The following SAXO2 variants were observed in gnomAD, a reference collection of about 807,000 sequenced individuals.
SAXO2 encodes the protein family with sequence similarity 154, member B.
Under a neutral mutation model 18.7 loss-of-function variants are expected in SAXO2, and 17 were observed. The observed-to-expected ratio is 0.91, with a 90% CI of 0.62 to 1.36. The LOEUF (loss-of-function observed/expected upper bound fraction) is 1.36. Ranked by LOEUF, SAXO2 falls within the 40% of genes most tolerant of loss-of-function variation. The pLI is 0.00. For synonymous variants in SAXO2, 163 were observed against 181.2 expected (o/e 0.90, Z 0.81); for missense variants, 486 against 562.6 (o/e 0.86, Z 1.38).
Position 82,282,959 on chromosome 15 carries a change from G to T in SAXO2, c.1274G>T (p.Cys425Phe), listed in dbSNP as rs751263030. ...TACACACCGAAAAGACAGGAAATTTGCCCAGCCAGCTATCCCTCTCCTCCA... is the reference window on the plus strand; with the variant it reads ...TACACACCGAAAAGACAGGAAATTTTCCCAGCCAGCTATCCCTCTCCTCCA... ...VEYTPKRQEI[C>F]PASYPSPPGY... is the part of the protein sequence containing the mutation. Residue 425 changes from cysteine to phenylalanine, a missense_variant, in exon 4 of 4, where the codon TGC (cysteine) becomes TTC (phenylalanine). Coordinates refer to ENST00000682753, the MANE Select transcript of SAXO2 (RefSeq NM_001348699.2). The T allele has an allele frequency of 6.2e-6, 10 of 1,614,010 alleles. No homozygotes were observed. The South Asian group carries it at 1.1e-4, about 18-fold the overall frequency.
chr15:82,271,871 T>C (rs2141368876), intron 3 of SAXO2, 69 bp downstream of exon 3: 1 of 1,340,530 alleles, frequency 7.5e-7, no homozygotes, highest in Non-Finnish European at 1.0e-6. Context: ...ACATCTAATA[T>C]CAAATTATAA....
intron 3 of SAXO2, among the ~76,000 whole-genome samples, chr15:82,279,360 G>A (rs1202579552): frequency 2.0e-5 from 3 of 152,142 alleles, no homozygotes; most frequent in Non-Finnish European, 4.4e-5. Flanking sequence ...GAAAAGGAGA[G>A]AAGGAAATGA....
At chr15:82,270,291 T>G (rs1308228325) in intron 2 of SAXO2, among the ~76,000 whole-genome samples, 1 of 152,136 alleles carries the variant, frequency 6.6e-6, no homozygotes. Context: ...TGAAGCTACA[T>G]AGGAAACTGG....
Position 82,265,612 on chromosome 15 carries a change from T to C in SAXO2, c.97T>C (p.Ser33Pro). 7.0e-7 allele frequency: 1 copy of C among 1,436,848 alleles called. No individual in the cohort carries two copies. Among genetic ancestry groups the C allele is most frequent in the Non-Finnish European group, 9.1e-7 (1 of 1,097,844 alleles). The allele number at this position is 1,436,848 out of a possible 1,614,324, so 89.0% of individuals were successfully genotyped here. A position where few individuals can be genotyped will look rare whatever the true frequency, so the allele number is the denominator to read the frequency against. The change falls in exon 2 of 4, where the codon TCT becomes CCT. Residue 33 changes from serine to proline, a missense_variant. Physicochemically the swap from Ser to Pro is moderately conservative, Grantham distance 74 (BLOSUM62 -1). Transcript: ENST00000682753. The part of the protein sequence containing the change: ...PRGTTRIYEN[S>P]GVFCPTTEYL... ...TGGAACCACAAGGATTTATGAAAAT[T>C]CTGGGGTGTTTTGCCCTACAACTGA...
At chr15:82,263,226 C>T in intron 1 of SAXO2, 4 of 1,465,680 alleles carry the variant, frequency 2.7e-6, no homozygotes, top group Non-Finnish European at 3.6e-6. Flanking sequence ...GGATATAACG[C>T]TGGTGAGTAG....
intron 1 of SAXO2, 39 bp from the exon 2 acceptor site, chr15:82,265,530 T>G: frequency 7.8e-7 from 1 of 1,288,504 alleles, no homozygotes; most frequent in South Asian, 2.4e-5. Context: ...TAACACAAAA[T>G]TTTTTTAAGG....
intron 2 of SAXO2, 139 bp from the exon 3 acceptor site, chr15:82,271,464 A>T (rs1277608215): frequency 2.9e-6 from 2 of 695,428 alleles, no homozygotes; most frequent in Non-Finnish European, 4.7e-6. Flanking sequence ...CAAGTAGTTT[A>T]TCAACTATTA....
chr15:82,271,219 A>C (rs965484770), intron 2 of SAXO2, among the ~76,000 whole-genome samples: 7 of 152,226 alleles, frequency 4.6e-5, no homozygotes, highest in African/African-American at 1.4e-4. Context: ...GACTTTGACA[A>C]AGTGGACTCA....
intron 3 of SAXO2, chr15:82,272,055 T>C: frequency 2.5e-6 from 1 of 406,290 alleles, no homozygotes. Context: ...TCTCAAAACA[T>C]GAAAAACAAA....
intron 3 of SAXO2, among the ~76,000 whole-genome samples, chr15:82,277,939 G>A (rs1161189070): frequency 6.6e-6 from 1 of 152,118 alleles, no homozygotes; most frequent in Non-Finnish European, 1.5e-5. Context: ...TCATGAGAAA[G>A]ATTGGGAGAA....
rs759947594 is a variant in SAXO2, at chr15:82,282,223, G to A, written c.538G>A (p.Asp180Asn). The A allele has an allele frequency of 1.2e-6, 2 of 1,614,138 alleles. No individual in the cohort carries two copies. Among genetic ancestry groups the A allele is most frequent in the South Asian group, 1.1e-5 (1 of 91,070 alleles). Residue 180 changes from aspartate (D) to asparagine (N), a missense_variant, in exon 4 of 4, where the codon GAT (aspartate) becomes AAT (asparagine). By Grantham distance (23) the Asp-to-Asn change is conservative (BLOSUM62 1). Coordinates refer to ENST00000682753, the MANE Select transcript of SAXO2 (RefSeq NM_001348699.2). ...TGGAAATTCAACTACATTTCAGGAT[G>A]ATTTTGTTCCTCAGGAGATAAAGCC... ...KFGNSTTFQD[D>N]FVPQEIKPRQ...
intron 1 of SAXO2, 23 bp downstream of exon 1, chr15:82,262,955 G>C: frequency 6.3e-7 from 1 of 1,587,984 alleles, no homozygotes; most frequent in Non-Finnish European, 8.6e-7. Context: ...TGGTGTAGCG[G>C]CGGGCCCGGG....
chr15:82,263,858 G>A (rs1158701651), intron 1 of SAXO2, among the ~76,000 whole-genome samples: 2 of 152,046 alleles, frequency 1.3e-5, no homozygotes, highest in Non-Finnish European at 2.9e-5. Context: ...TTGGAATGGC[G>A]TGATTTTACT....
At chr15:82,277,371 T>TA (rs1325847518) in intron 3 of SAXO2, among the ~76,000 whole-genome samples, 1 of 152,134 alleles carries the variant, frequency 6.6e-6, no homozygotes, top group Non-Finnish European at 1.5e-5. Context: ...TTTTAAAAAA[T>TA]ATGCCAATAA....
At chr15:82,277,723 G>C (rs1246859307) in intron 3 of SAXO2, among the ~76,000 whole-genome samples, 1 of 152,204 alleles carries the variant, frequency 6.6e-6, no homozygotes. Context: ...AGTTGAGACA[G>C]GAGGCAAGCA....
intron 2 of SAXO2, among the ~76,000 whole-genome samples, chr15:82,269,675 A>G (rs1472492582): frequency 6.6e-6 from 1 of 152,200 alleles, no homozygotes; most frequent in African/African-American, 2.4e-5. Context: ...TTTACATGAG[A>G]AAGAATTACT....
chr15:82,264,613 C>CACTTGGAAGTGA (rs2075194854), intron 1 of SAXO2: 1 of 701,748 alleles, frequency 1.4e-6, no homozygotes, highest in African/African-American at 1.8e-5. Flanking sequence ...ATATATAGTT[C>CACTTGGAAGTGA]ACTTGGAAGA....
At chr15:82,263,502 A>C in intron 1 of SAXO2, 2 of 697,194 alleles carry the variant, frequency 2.9e-6, no homozygotes, top group South Asian at 1.5e-5. Flanking sequence ...ACCTTCCATC[A>C]CCTGTAAACA....
rs1180169306 is a variant in SAXO2 at position 82,272,523 on chromosome 15, G to GT, written c.433+728dup. 3.9e-5 allele frequency among the ~76,000 whole-genome samples: 6 copies of GT among 152,194 alleles called. No homozygotes were observed. In the South Asian group the frequency reaches 6.2e-4, roughly 16 times the overall value. On this transcript the variant is annotated intron_variant, in intron 3 of 3. Transcript: ENST00000682753. Reference sequence around the variant, plus strand: ...TGTATGCTTTTCTTTCCAAAAACCTGTTTTTTTGTTGTTGTTGTTGTTTTT... The same window carrying GT: ...TGTATGCTTTTCTTTCCAAAAACCTGTTTTTTTTGTTGTTGTTGTTGTTTTT...
Sources: allele counts gnomAD v4.1 joint callset (sites outside exome capture counted in the v4.1 genomes callset), GRCh38; gene constraint gnomAD v4.1.1; transcripts MANE v1.5; gene names NCBI Gene and HGNC (gene_info 2026-07-23, HGNC 2026-07-21).